The following KLHL12 variants were observed in gnomAD, a reference collection of about 807,000 sequenced individuals.
KLHL12 encodes the protein kelch like family member 12, also known as kelch-like protein 12.
In KLHL12, 17 loss-of-function variants were observed where a neutral mutation model predicts 60.8. The ratio of observed to expected loss-of-function variants is 0.28; its 90% CI spans 0.19 to 0.42. The LOEUF (loss-of-function observed/expected upper bound fraction) is 0.42, where lower values mean the gene tolerates loss of function less well. Among genes scored for constraint, KLHL12 ranks in the 10% least tolerant of loss-of-function variants. The probability of loss-of-function intolerance (pLI) is 1.00; values close to 1 mark genes in which losing one functional copy is unlikely to be tolerated. For missense variants in KLHL12, 468 were observed against 722.3 expected (o/e 0.65, Z 4.04); for synonymous variants, 220 against 250.9 (o/e 0.88, Z 1.16).
chr1:202,924,914 T>TA, intron 2 of KLHL12, 54 bp downstream of exon 2: 1 of 1,565,740 alleles, frequency 6.4e-7, no homozygotes, highest in Non-Finnish European at 8.6e-7. Flanking sequence ...TCAGTGAAAT[T>TA]AGACAACTAG....
rs139639243 is a variant in KLHL12, at chr1:202,913,370, G to A, written c.568-2167C>T. ...GGGAGATACCTTTCAGAGTGTCACT[G>A]TGAATAGATAAAAAAAACTTTTCCT... On this transcript the variant is annotated intron_variant, in intron 4 of 11. Transcript: ENST00000367261. Among the ~76,000 whole-genome samples, 387 of 152,250 alleles carry A rather than the reference G, an allele frequency of 2.5e-3. 2 individuals carry two copies. The East Asian group carries it at 0.039, about 15-fold the overall frequency.
Position 202,920,904 on chromosome 1 carries a change from A to G in KLHL12, c.196-996T>C, listed in dbSNP as rs191483990. On this transcript the variant is annotated intron_variant, in intron 2 of 11. Transcript: ENST00000367261. ...TAACACTGGTCCGTGAACTTTTAAG[A>G]TAAGACACAATATTTCAAAGAAATT... Among the ~76,000 whole-genome samples, 161 of 152,354 alleles carry G rather than the reference A, an allele frequency of 1.1e-3. 1 individual carries two copies. The highest frequency in any genetic ancestry group is 3.4e-3 in the Middle Eastern group (1 of 294).
At chr1:202,915,249 C>G (rs1413808586) in intron 4 of KLHL12, among the ~76,000 whole-genome samples, 1 of 152,136 alleles carries the variant, frequency 6.6e-6, no homozygotes, top group East Asian at 1.9e-4. Context: ...GCCACCCAGC[C>G]AAGACTAAAT....
At chr1:202,920,337 T>TA (rs1366999308) in intron 2 of KLHL12, among the ~76,000 whole-genome samples, 1 of 136,248 alleles carries the variant, frequency 7.3e-6, no homozygotes, top group Non-Finnish European at 1.6e-5. Context: ...AGAAAGAAAA[T>TA]AAAAAAATAA....
At chr1:202,894,487 A>C (rs183663100) in intron 9 of KLHL12, 104 bp downstream of exon 9, 2 of 1,139,150 alleles carry the variant, frequency 1.8e-6, no homozygotes. Flanking sequence ...CCAGGGTTTT[A>C]GTTGAAGGGA....
upstream of KLHL12, among the ~76,000 whole-genome samples, chr1:202,927,915 G>A (rs1312683859): frequency 2.7e-5 from 4 of 150,382 alleles, no homozygotes; most frequent in South Asian, 4.2e-4. Context: ...CTGGGAGGCG[G>A]AGGTTGCTGA....
chr1:202,911,979 G>A, intron 4 of KLHL12: 1 of 804,384 alleles, frequency 1.2e-6, no homozygotes, highest in Non-Finnish European at 2.2e-6. Context: ...AGTGCTCCAG[G>A]GGCTTTGGGT....
At chr1:202,898,094 G>C (rs1659898819) in intron 6 of KLHL12, among the ~76,000 whole-genome samples, 1 of 152,022 alleles carries the variant, frequency 6.6e-6, no homozygotes, top group Non-Finnish European at 1.5e-5. Context: ...TTTGGAGACA[G>C]GGTCTTGCTA....
chr1:202,924,838 A>C, intron 2 of KLHL12, 130 bp downstream of exon 2: 1 of 1,066,426 alleles, frequency 9.4e-7, no homozygotes, highest in East Asian at 2.6e-5. Context: ...GGTAGATCTT[A>C]TCCAGAATCT....
chr1:202,919,657 T>C (rs1660625518), intron 3 of KLHL12, 98 bp downstream of exon 3: 1 of 1,159,678 alleles, frequency 8.6e-7, no homozygotes, highest in Middle Eastern at 2.8e-4. Context: ...ACATCCATAG[T>C]TTGTCTCCAA....
At chr1:202,892,727 A>G in intron 11 of KLHL12, 68 bp from the exon 12 acceptor site, 2 of 1,554,684 alleles carry the variant, frequency 1.3e-6, no homozygotes, top group Non-Finnish European at 1.8e-6. Context: ...CTGTAATCCC[A>G]ACTATGCAGG....
intron 2 of KLHL12, among the ~76,000 whole-genome samples, chr1:202,923,367 C>T (rs1029921090): frequency 6.6e-6 from 1 of 152,166 alleles, no homozygotes; most frequent in Non-Finnish European, 1.5e-5. Context: ...GGGTATATCT[C>T]ATGGAGAACA....
chr1:202,925,573 T>G (rs1653501204), intron 1 of KLHL12, among the ~76,000 whole-genome samples: 1 of 152,188 alleles, frequency 6.6e-6, no homozygotes. Context: ...TTATTACTAT[T>G]TAATGTCCTT....
upstream of KLHL12, chr1:202,928,453 G>C: frequency 1.6e-6 from 2 of 1,262,366 alleles, no homozygotes; most frequent in Non-Finnish European, 2.1e-6. Context: ...AATATGCCAA[G>C]CATCTGATTG....
At chr1:202,919,494 C>G (rs1335729527) in intron 3 of KLHL12, among the ~76,000 whole-genome samples, 3 of 151,850 alleles carry the variant, frequency 2.0e-5, no homozygotes, top group Non-Finnish European at 4.4e-5. Flanking sequence ...CACATAATTT[C>G]TCCTTCCTCC....
upstream of KLHL12, chr1:202,928,556 C>T (rs1653735343): frequency 7.7e-7 from 1 of 1,304,000 alleles, no homozygotes; most frequent in Non-Finnish European, 1.0e-6. Context: ...CCATTGTCCA[C>T]AATGGCCTTT....
chr1:202,898,688 G>A (rs553654149), intron 6 of KLHL12, among the ~76,000 whole-genome samples: 2 of 152,170 alleles, frequency 1.3e-5, no homozygotes, highest in Admixed American at 6.5e-5. Context: ...TCTACAGGTC[G>A]AACAGCTTGG....
At chr1:202,928,429 G>A (rs1653727948), upstream of KLHL12, 26 of 1,124,654 alleles carry the variant, frequency 2.3e-5, no homozygotes, top group South Asian at 3.0e-4. Context: ...CAGGCAGAGA[G>A]AATTCCAACG....
chr1:202,918,089 G>A, intron 4 of KLHL12, 82 bp downstream of exon 4: 1 of 979,570 alleles, frequency 1.0e-6, no homozygotes, highest in Non-Finnish European at 1.6e-6. Flanking sequence ...ATGAAGCCCT[G>A]ATGGTAAGTA....
Sources: allele counts gnomAD v4.1 joint callset (sites outside exome capture counted in the v4.1 genomes callset), GRCh38; gene constraint gnomAD v4.1.1; transcripts MANE v1.5; gene names NCBI Gene and HGNC (gene_info 2026-07-23, HGNC 2026-07-21).